Variants in SYTL3 observed in about 807,000 individuals in gnomAD.
The protein encoded by SYTL3 is synaptotagmin like 3, also known as synaptotagmin-like protein 3.
SYTL3 carries 88 observed loss-of-function variants against 82.1 expected under a neutral mutation model. The observed-to-expected ratio is 1.07, with a 90% CI of 0.90 to 1.28. The LOEUF is 1.28. Ranked by LOEUF, SYTL3 falls within the 50% of genes most tolerant of loss-of-function variation. SYTL3 has a pLI of 0.00. For missense variants in SYTL3, 831 were observed against 757.6 expected, an observed-to-expected ratio of 1.10 and a Z score of -1.14; for synonymous variants, 311 against 289.4, an observed-to-expected ratio of 1.07 and a Z score of -0.76.
intron 13 of SYTL3, among the ~76,000 whole-genome samples, chr6:158,755,854 C>T (rs1403929680): frequency 2.0e-5 from 3 of 152,166 alleles, no homozygotes; most frequent in African/African-American, 4.8e-5. Context: ...AGGTCAGCAG[C>T]GAGACTCGGG....
chr6:158,728,733 G>A (rs558718535), intron 11 of SYTL3, among the ~76,000 whole-genome samples: 1 of 151,386 alleles, frequency 6.6e-6, no homozygotes, highest in African/African-American at 2.4e-5. Flanking sequence ...GAGGTCAGGA[G>A]ATCGAGACCA....
chr6:158,658,230 C>G (rs1788934108), intron 2 of SYTL3, among the ~76,000 whole-genome samples: 1 of 152,176 alleles, frequency 6.6e-6, no homozygotes, highest in African/African-American at 2.4e-5. Context: ...GTGTACAAAA[C>G]CCTGCAAAAT....
Position 158,663,395 on chromosome 6 carries a change from G to A in SYTL3, c.110+17G>A, listed in dbSNP as rs773105838. On this transcript the variant is annotated intron_variant, in intron 4 of 17. Transcript: ENST00000611299. The stretch of plus-strand genomic sequence containing the variant: ...GAGGACACGGTAGGCTGCCCTTCCC[G>A]GGGGGTCACTTTGGGTGTTTAGCTT... 8 of 1,610,878 alleles carry A rather than the reference G, an allele frequency of 5.0e-6. No individual in the cohort carries two copies. The highest frequency in any genetic ancestry group is 1.9e-4 in the Middle Eastern group (1 of 5,252).
rs201689594 is a variant in SYTL3, at chr6:158,745,652, G to A, written c.1028G>A (p.Cys343Tyr). 2.2e-5 allele frequency: 35 copies of A among 1,594,232 alleles called. No homozygotes were observed. In the East Asian group the frequency reaches 7.4e-4, roughly 34 times the overall value. The change falls in exon 12 of 18, where the codon TGC (cysteine) becomes TAC (tyrosine). Residue 343 changes from cysteine (C) to tyrosine (Y), a missense_variant. By Grantham distance (194) the Cys-to-Tyr change is radical. Coordinates refer to ENST00000611299, the MANE Select transcript of SYTL3 (RefSeq NM_001242394.2). ...TATGGAGAAGAAAAGAAGAAAAAGT[G>A]CAATCCGTAAGTTGTTTTTTTTAAG... ...LAYGEEKKKK[C>Y]NPYVKTYLLP...
chr6:158,717,718 C>T (rs541122365), intron 9 of SYTL3, among the ~76,000 whole-genome samples: 7 of 152,218 alleles, frequency 4.6e-5, no homozygotes, highest in East Asian at 1.9e-4. Context: ...CCTAGAAAGC[C>T]GGCTTGTTTG....
intron 6 of SYTL3, among the ~76,000 whole-genome samples, chr6:158,695,364 G>A (rs1780448964): frequency 6.6e-6 from 1 of 151,262 alleles, no homozygotes; most frequent in African/African-American, 2.5e-5. Flanking sequence ...AAGGATTCAT[G>A]TGTTCATATG....
intron 5 of SYTL3, among the ~76,000 whole-genome samples, chr6:158,676,814 A>T (rs1354390771): frequency 1.3e-5 from 2 of 152,192 alleles, no homozygotes; most frequent in Non-Finnish European, 2.9e-5. Flanking sequence ...AATGCTCATC[A>T]TCACTGGCCA....
rs769555106 is a variant in SYTL3, at chr6:158,663,360, C to T, written c.92C>T (p.Thr31Ile). The T allele has an allele frequency of 8.7e-6, 14 of 1,613,798 alleles. No individual in the cohort carries two copies. Among genetic ancestry groups the T allele is most frequent in the African/African-American group, 1.3e-5 (1 of 74,902 alleles). Residue 31 changes from threonine (T) to isoleucine (I), a missense_variant, in exon 4 of 18, where the codon ACA (threonine) becomes ATA (isoleucine). Transcript: ENST00000611299. ...TACCGAGACCAGGCGGTTCAAAACA[C>T]AGAGGAGGAGAGGACACGGTAGGCT... The part of the protein sequence containing the change: ...VLYRDQAVQN[T>I]EEERTRKLKT...
At position 158,659,444 on chromosome 6, in the gene SYTL3, C is replaced by G. The variant is rs142627469; in HGVS notation, c.-636-1825C>G. On this transcript the variant is annotated intron_variant, in intron 2 of 17. Coordinates refer to ENST00000611299, the MANE Select transcript of SYTL3 (RefSeq NM_001242394.2). ...GATCTTGGCTCACTGCAACCTCTGC[C>G]TCCCGGGTTCAAGTGATTCCCCTGC... 2.7e-3 allele frequency among the ~76,000 whole-genome samples: 408 copies of G among 152,286 alleles called. 3 individuals carry two copies. Among genetic ancestry groups the G allele is most frequent in the African/African-American group, 9.4e-3 (389 of 41,558 alleles).
intron 8 of SYTL3, among the ~76,000 whole-genome samples, chr6:158,712,275 A>G (rs895462428): frequency 1.3e-5 from 2 of 152,116 alleles, no homozygotes; most frequent in African/African-American, 4.8e-5. Flanking sequence ...GTGCCTGCCA[A>G]TATTGAGGGC....
At chr6:158,711,015 C>A (rs1005610883) in intron 8 of SYTL3, among the ~76,000 whole-genome samples, 2 of 152,132 alleles carry the variant, frequency 1.3e-5, no homozygotes, top group Non-Finnish European at 2.9e-5. Context: ...CTCCTGATCT[C>A]GTGATCTGCC....
intron 11 of SYTL3, among the ~76,000 whole-genome samples, chr6:158,740,404 T>G (rs1277871568): frequency 6.6e-6 from 1 of 152,212 alleles, no homozygotes; most frequent in African/African-American, 2.4e-5. Context: ...TATATTCTTT[T>G]CATATATTTT....
In SYTL3 at chr6:158,710,283, G is replaced by C. The variant is rs143953463; in HGVS notation, c.516+1892G>C. On this transcript the variant is annotated intron_variant, in intron 8 of 17. Transcript: ENST00000611299. ...CATCCAGCTTTGTAACTGAAATATTGTCATGAACAGCAGTATTTTTCAAAC... is the reference window on the plus strand; with the variant it reads ...CATCCAGCTTTGTAACTGAAATATTCTCATGAACAGCAGTATTTTTCAAAC... Among the ~76,000 whole-genome samples, 282 of 152,238 alleles carry C rather than the reference G, an allele frequency of 1.9e-3. 1 individual carries two copies. The highest frequency in any genetic ancestry group is 2.1e-3 in the Non-Finnish European group (141 of 68,016).
At chr6:158,678,465 G>T (rs368051402) in intron 5 of SYTL3, among the ~76,000 whole-genome samples, 1 of 152,166 alleles carries the variant, frequency 6.6e-6, no homozygotes, top group Non-Finnish European at 1.5e-5. Flanking sequence ...ATTACAACAC[G>T]TGTGTTTGGC....
chr6:158,753,065 A>G (rs1340929456), intron 13 of SYTL3, among the ~76,000 whole-genome samples: 1 of 139,024 alleles, frequency 7.2e-6, no homozygotes, highest in Non-Finnish European at 1.5e-5. Context: ...TTTTTAAAAC[A>G]TTTCTTCTTT....
chr6:158,739,074 T>C (rs1021571340), intron 11 of SYTL3, among the ~76,000 whole-genome samples: 3 of 152,250 alleles, frequency 2.0e-5, no homozygotes, highest in African/African-American at 7.2e-5. Flanking sequence ...TTCCTGCCCT[T>C]CTGTACATTC....
At chr6:158,669,117 A>G (rs1225018130) in intron 5 of SYTL3, among the ~76,000 whole-genome samples, 1 of 152,234 alleles carries the variant, frequency 6.6e-6, no homozygotes, top group Non-Finnish European at 1.5e-5. Flanking sequence ...GCAGATGGTA[A>G]CAATTATGTT....
intron 11 of SYTL3, among the ~76,000 whole-genome samples, chr6:158,732,719 T>G (rs1785568238): frequency 6.6e-6 from 1 of 152,174 alleles, no homozygotes; most frequent in Non-Finnish European, 1.5e-5. Context: ...TGCAGTAACG[T>G]CAGGCACTTC....
intron 6 of SYTL3, among the ~76,000 whole-genome samples, chr6:158,706,829 T>C (rs1156989534): frequency 2.6e-5 from 4 of 152,228 alleles, no homozygotes; most frequent in African/African-American, 7.2e-5. Context: ...AAGGCAAGCT[T>C]ACAGGAATAG....
Sources: gnomAD v4.1 joint callset for allele counts (sites outside exome capture counted in the v4.1 genomes callset) on GRCh38, gnomAD v4.1.1 for gene constraint, MANE v1.5 for transcripts, NCBI Gene and HGNC (gene_info 2026-07-23, HGNC 2026-07-21) for gene names.